The following GAPVD1 variants were observed in gnomAD, a reference collection of about 807,000 sequenced individuals.
GAPVD1 encodes GTPase activating protein and VPS9 domains 1, also known as GTPase-activating protein and VPS9 domain-containing protein 1.
In GAPVD1, 35 loss-of-function variants were observed where a neutral mutation model predicts 155.5. The observed-to-expected ratio is 0.23, with a 90% confidence interval of 0.17 to 0.30. The LOEUF (loss-of-function observed/expected upper bound fraction) is 0.30, where lower values mean the gene tolerates loss of function less well. Among genes scored for constraint, GAPVD1 ranks in the 10% least tolerant of loss-of-function variants. The pLI is 1.00. For missense variants in GAPVD1, 1,429 were observed against 1,775.7 expected, an observed-to-expected ratio of 0.80 and a Z score of 3.51; for synonymous variants, 636 against 619.7, an observed-to-expected ratio of 1.03 and a Z score of -0.39.
At chr9:125,322,517 A>G (rs79119402) in intron 10 of GAPVD1, among the ~76,000 whole-genome samples, 4,116 of 152,292 alleles carry the variant, frequency 0.027, 199 homozygotes, top group African/African-American at 0.095. Context: ...AGAATCACCT[A>G]TAATCTCAAA....
chr9:125,295,966 GCA>G (rs1438042570), intron 3 of GAPVD1, among the ~76,000 whole-genome samples: 1 of 152,048 alleles, frequency 6.6e-6, no homozygotes, highest in Non-Finnish European at 1.5e-5. Flanking sequence ...AGCAAGAAAG[GCA>G]CAGTTTGAGA....
In GAPVD1 at chr9:125,302,024, T is replaced by G; in HGVS notation, c.227T>G (p.Ile76Ser). ...GCTGAATGTTGCCAACATGCCAAAA[T>G]TTTGGAAGATACACAATTTGTTGAT... ...SPAECCQHAK[I>S]LEDTQFVDGY... The change falls in exon 5 of 28, where the codon ATT becomes AGT. Residue 76 changes from isoleucine to serine, a missense_variant. Coordinates refer to ENST00000297933, the MANE Select transcript of GAPVD1 (RefSeq NM_001282680.3). 1 of 1,604,452 alleles carries G rather than the reference T, an allele frequency of 6.2e-7. No individual in the cohort carries two copies. The highest frequency in any genetic ancestry group is 8.5e-7 in the Non-Finnish European group (1 of 1,176,224).
intron 2 of GAPVD1, among the ~76,000 whole-genome samples, chr9:125,286,334 G>A (rs184604622): frequency 6.6e-6 from 1 of 152,104 alleles, no homozygotes; most frequent in Admixed American, 6.6e-5. Flanking sequence ...GATAGAGATG[G>A]AGTTTTGCCA....
intron 25 of GAPVD1, among the ~76,000 whole-genome samples, chr9:125,359,111 C>G (rs558806339): frequency 2.1e-4 from 32 of 152,138 alleles, no homozygotes; most frequent in Non-Finnish European, 4.3e-4. Flanking sequence ...TCCTTTTCCT[C>G]TACCTTACAA....
At chr9:125,340,495 C>T (rs759249332) in intron 17 of GAPVD1, among the ~76,000 whole-genome samples, 14 of 151,808 alleles carry the variant, frequency 9.2e-5, no homozygotes, top group East Asian at 1.9e-4. Context: ...TAAAAAAGGC[C>T]GAATATAGGA....
At chr9:125,315,726 A>G (rs1258894099) in intron 9 of GAPVD1, among the ~76,000 whole-genome samples, 1 of 152,062 alleles carries the variant, frequency 6.6e-6, no homozygotes, top group African/African-American at 2.4e-5. Flanking sequence ...CCAAATGCTT[A>G]TGAAGGAAGA....
chr9:125,281,701 A>T (rs192931658), intron 2 of GAPVD1, among the ~76,000 whole-genome samples: 55 of 152,246 alleles, frequency 3.6e-4, no homozygotes, highest in Admixed American at 2.1e-3. Context: ...CATTCAGCAT[A>T]CTATATTACA....
rs897408468 is a variant in GAPVD1 at position 125,365,743 on chromosome 9, A to T, written c.*2997A>T. On this transcript the variant is annotated 3_prime_UTR_variant, in exon 28 of 28. Transcript: ENST00000297933. Reference sequence around the variant, plus strand: ...AACCACCATCTCCCAGTCTCTAGTGATTCTCATGGCTCAGCCTCCCTGGTT... The same window carrying T: ...AACCACCATCTCCCAGTCTCTAGTGTTTCTCATGGCTCAGCCTCCCTGGTT... 1 of 152,130 alleles carries T rather than the reference A, an allele frequency of 6.6e-6. No homozygotes were observed. Among genetic ancestry groups the T allele is most frequent in the African/African-American group, 2.4e-5 (1 of 41,424 alleles). The allele number at this position is 152,130 out of a possible 1,614,324, so 9.4% of individuals were successfully genotyped here.
chr9:125,319,431 A>C (rs1342368055), intron 9 of GAPVD1, among the ~76,000 whole-genome samples: 1 of 148,270 alleles, frequency 6.7e-6, no homozygotes, highest in Non-Finnish European at 1.5e-5. Flanking sequence ...TTGAGATGGA[A>C]TCTCCCTCTG....
At position 125,284,173 on chromosome 9, in the gene GAPVD1, G is replaced by C. The variant is rs970546340; in HGVS notation, c.-149-11285G>C. ...TTACAGGCGTGAGTCACTGAGCCCC[G>C]CCAGAACTTTTTTTTTTTTTTTTTT... On this transcript the variant is annotated intron_variant, in intron 2 of 27. Transcript: ENST00000297933. Among the ~76,000 whole-genome samples the C allele has an allele frequency of 3.7e-5, 5 of 134,272 alleles. No individual in the cohort carries two copies. The Admixed American group carries it at 3.9e-4, about 10-fold the overall frequency. The allele number at this position is 134,272 out of a possible 152,430, so 88.1% of individuals were successfully genotyped here.
At chr9:125,275,092 A>T (rs796380936) in intron 2 of GAPVD1, among the ~76,000 whole-genome samples, 6 of 151,736 alleles carry the variant, frequency 4.0e-5, no homozygotes, top group East Asian at 2.0e-4. Context: ...ATTAAAAAAA[A>T]TTTTTCTTTG....
intron 2 of GAPVD1, among the ~76,000 whole-genome samples, chr9:125,292,643 G>C (rs895862038): frequency 6.6e-6 from 1 of 151,938 alleles, no homozygotes; most frequent in Non-Finnish European, 1.5e-5. Flanking sequence ...GCCTGCCTTG[G>C]CCTCCCAAAG....
intron 2 of GAPVD1, among the ~76,000 whole-genome samples, chr9:125,276,638 G>A (rs142574639): frequency 0.022 from 3,278 of 152,246 alleles, 125 homozygotes; most frequent in East Asian, 0.088. Context: ...GCAGTGAGCC[G>A]AGAGTGCACC....
intron 26 of GAPVD1, 172 bp downstream of exon 26, chr9:125,359,664 A>G: frequency 3.6e-6 from 2 of 551,860 alleles, no homozygotes; most frequent in East Asian, 6.0e-5. Flanking sequence ...TTCAGGGATT[A>G]AAATTCCCTG....
intron 27 of GAPVD1, 139 bp from the exon 28 acceptor site, chr9:125,362,467 T>C: frequency 1.5e-6 from 1 of 678,590 alleles, no homozygotes; most frequent in Non-Finnish European, 2.4e-6. Context: ...CACAGATTAC[T>C]TCCAAAAAAT....
At chr9:125,326,371 T>C (rs1016107823) in intron 11 of GAPVD1, 45 bp from the exon 12 acceptor site, 2 of 1,310,334 alleles carry the variant, frequency 1.5e-6, no homozygotes, top group Admixed American at 1.8e-5. Flanking sequence ...TAAAAAGTCA[T>C]AGCTGTGCTA....
At chr9:125,323,032 G>A (rs1286633250) in intron 10 of GAPVD1, among the ~76,000 whole-genome samples, 1 of 144,246 alleles carries the variant, frequency 6.9e-6, no homozygotes, top group Non-Finnish European at 1.5e-5. Context: ...CAGCTTGGAC[G>A]ATAGAGCGAG....
In GAPVD1 at chr9:125,360,634, C is replaced by G. The variant is rs762987568; in HGVS notation, c.4151C>G (p.Ser1384Cys). The G allele has an allele frequency of 6.2e-7, 1 of 1,613,906 alleles. No homozygotes were observed. Among genetic ancestry groups the G allele is most frequent in the Non-Finnish European group, 8.5e-7 (1 of 1,179,836 alleles). The change falls in exon 27 of 28, where the codon TCT becomes TGT. Residue 1384 changes from serine (S) to cysteine (C), a missense_variant. Coordinates refer to ENST00000297933, the MANE Select transcript of GAPVD1 (RefSeq NM_001282680.3). ...DKVQCILRMC[S>C]TIMNLLSLAN... The stretch of plus-strand genomic sequence containing the variant: ...GTGCAGTGCATCCTGAGAATGTGCT[C>G]TACGATTATGAACCTCCTGAGCCTG...
At chr9:125,332,672 C>A in intron 15 of GAPVD1, 43 bp downstream of exon 15, 3 of 1,570,168 alleles carry the variant, frequency 1.9e-6, no homozygotes, top group Non-Finnish European at 2.6e-6. Flanking sequence ...TGACCACATC[C>A]GTGGTTGAAA....
Sources: allele counts gnomAD v4.1 joint callset (sites outside exome capture counted in the v4.1 genomes callset), GRCh38; gene constraint gnomAD v4.1.1; transcripts MANE v1.5; gene names NCBI Gene and HGNC (gene_info 2026-07-23, HGNC 2026-07-21).